Variants in ARK2N observed in about 807,000 individuals in gnomAD.
ARK2N encodes arkadia (RNF111) N-terminal like PKA signaling regulator 2N.
the ARK2N span, among the ~76,000 whole-genome samples, chr18:46,259,618 T>A: frequency 1.3e-5 from 2 of 151,574 alleles, no homozygotes; most frequent in Non-Finnish European, 2.9e-5. Flanking sequence ...TTTTTTTGTT[T>A]TTATTTTTTG....
At chr18:46,195,235 AT>A in the ARK2N span, among the ~76,000 whole-genome samples, 1 of 144,664 alleles carries the variant, frequency 6.9e-6, no homozygotes, top group South Asian at 2.2e-4. Flanking sequence ...TTCTGCTTTC[AT>A]TAATTTTTTC....
At chr18:46,224,524 A>G in the ARK2N span, among the ~76,000 whole-genome samples, 2 of 152,334 alleles carry the variant, frequency 1.3e-5, no homozygotes, top group South Asian at 4.1e-4. Context: ...GTTCTCAACT[A>G]AGGACATACA....
At chr18:46,201,298 G>GT in the ARK2N span, among the ~76,000 whole-genome samples, 19 of 151,826 alleles carry the variant, frequency 1.3e-4, no homozygotes, top group Admixed American at 5.9e-4. Context: ...GTTTTGTTTT[G>GT]TTTTTTAATT....
chr18:46,179,488 G>A, the ARK2N span, among the ~76,000 whole-genome samples: 1 of 152,040 alleles, frequency 6.6e-6, no homozygotes, highest in East Asian at 1.9e-4. Context: ...TTTTACTTCT[G>A]TGTGGGCAGC....
chr18:46,178,238 T>G, the ARK2N span, among the ~76,000 whole-genome samples: 1 of 152,260 alleles, frequency 6.6e-6, no homozygotes, highest in Non-Finnish European at 1.5e-5. Context: ...GCTAATGGGT[T>G]GGGAATTTTC....
the ARK2N span, among the ~76,000 whole-genome samples, chr18:46,197,215 A>T: frequency 6.6e-6 from 1 of 151,842 alleles, no homozygotes. Flanking sequence ...TGCCAGATAT[A>T]CTTAACTCCC....
chr18:46,224,473 A>AT, the ARK2N span, among the ~76,000 whole-genome samples: 1 of 152,206 alleles, frequency 6.6e-6, no homozygotes, highest in African/African-American at 2.4e-5. Context: ...ACTTTTTAGA[A>AT]TTTTAAAGTG....
chr18:46,193,089 C>T, the ARK2N span, among the ~76,000 whole-genome samples: 3 of 151,858 alleles, frequency 2.0e-5, no homozygotes, highest in Non-Finnish European at 4.4e-5. Flanking sequence ...TTGCTTGAAC[C>T]TGGGCAGTGG....
chr18:46,233,392 C>T, the ARK2N span, among the ~76,000 whole-genome samples: 1 of 152,162 alleles, frequency 6.6e-6, no homozygotes, highest in Admixed American at 6.5e-5. Flanking sequence ...GATCTAAATC[C>T]TCAAAGCAGT....
chr18:46,213,691 T>G, the ARK2N span, among the ~76,000 whole-genome samples: 1 of 151,888 alleles, frequency 6.6e-6, no homozygotes, highest in East Asian at 1.9e-4. Context: ...TTATTTATTT[T>G]TTATTTATTT....
At chr18:46,253,640 C>T in the ARK2N span, 1 of 1,556,522 alleles carries the variant, frequency 6.4e-7, no homozygotes, top group Non-Finnish European at 8.7e-7. Flanking sequence ...GTTGTTTCCA[C>T]TGTTTGTGAG....
the ARK2N span, among the ~76,000 whole-genome samples, chr18:46,176,925 A>G: frequency 6.6e-6 from 1 of 151,914 alleles, no homozygotes; most frequent in African/African-American, 2.4e-5. Flanking sequence ...TAATTTTTAA[A>G]TTTTTTGTAG....
chr18:46,177,100 TC>T, the ARK2N span, among the ~76,000 whole-genome samples: 1 of 152,236 alleles, frequency 6.6e-6, no homozygotes, highest in African/African-American at 2.4e-5. Context: ...GATTTCATTA[TC>T]TTCTGTTATT....
the ARK2N span, among the ~76,000 whole-genome samples, chr18:46,209,098 C>G: frequency 6.6e-6 from 1 of 151,886 alleles, no homozygotes; most frequent in Non-Finnish European, 1.5e-5. Context: ...GTGTGTGGTC[C>G]GAGATGAAAA....
chr18:46,256,521 C>G, the ARK2N span, among the ~76,000 whole-genome samples: 2 of 152,170 alleles, frequency 1.3e-5, no homozygotes, highest in African/African-American at 4.8e-5. Flanking sequence ...CACACACAAT[C>G]CCTATTCTAC....
At chr18:46,256,382 A>G in the ARK2N span, among the ~76,000 whole-genome samples, 16 of 150,934 alleles carry the variant, frequency 1.1e-4, no homozygotes, top group African/African-American at 1.7e-4. Flanking sequence ...TCTTTGTTCA[A>G]TGTTTCTTCA....
chr18:46,209,721 G>A, the ARK2N span, among the ~76,000 whole-genome samples: 23 of 151,976 alleles, frequency 1.5e-4, no homozygotes, highest in South Asian at 4.2e-4. Context: ...TCAGCCTCCC[G>A]AGTAGCTTGG....
the ARK2N span, among the ~76,000 whole-genome samples, chr18:46,260,344 T>G: frequency 6.6e-6 from 1 of 152,316 alleles, no homozygotes; most frequent in Non-Finnish European, 1.5e-5. Flanking sequence ...TATTAATAAT[T>G]AGAGTTAGGA....
At chr18:46,202,864 T>C in the ARK2N span, among the ~76,000 whole-genome samples, 2,641 of 151,650 alleles carry the variant, frequency 0.017, 73 homozygotes, top group African/African-American at 0.06. Context: ...TTCTTTTCTG[T>C]TGGAGACTGA....
Sources: allele counts gnomAD v4.1 joint callset (sites outside exome capture counted in the v4.1 genomes callset), GRCh38; gene constraint gnomAD v4.1.1; transcripts MANE v1.5; gene names NCBI Gene and HGNC (gene_info 2026-07-23, HGNC 2026-07-21).